Variants in KIAA1217 observed in about 807,000 individuals in gnomAD.
KIAA1217 encodes KIAA1217.
A neutral mutation model predicts 163.9 loss-of-function variants in KIAA1217; 88 were observed. That is an observed-to-expected ratio of 0.54 (90% CI 0.45 to 0.64). The LOEUF is 0.64. Among genes scored for constraint, KIAA1217 ranks in the 30% least tolerant of loss-of-function variants. The probability of loss-of-function intolerance (pLI) is 0.00; values close to 1 mark genes in which losing one functional copy is unlikely to be tolerated. For synonymous variants in KIAA1217, 903 were observed against 923.1 expected (o/e 0.98, Z 0.39); for missense variants, 2,372 against 2,475.0 (o/e 0.96, Z 0.88).
chr10:23,900,362 A>G lies in KIAA1217; in HGVS notation c.-320-106863A>G, dbSNP rs367574805. ...GTTGATTTTACAATCCGCAGCTACAATGGTTCCCAATGGGGACGTTGCTGC... is the reference window on the plus strand; with the variant it reads ...GTTGATTTTACAATCCGCAGCTACAGTGGTTCCCAATGGGGACGTTGCTGC... On this transcript the variant is annotated intron_variant, in intron 1 of 18. Coordinates refer to the KIAA1217 transcript ENST00000376462. Among the ~76,000 whole-genome samples the G allele has an allele frequency of 3.8e-3, 573 of 152,010 alleles. 3 individuals carry two copies. Among genetic ancestry groups the G allele is most frequent in the African/African-American group, 0.013 (545 of 41,506 alleles).
At chr10:24,484,241 A>ATATATATTTTTTTTTTT (rs1376083298) in intron 6 of KIAA1217, among the ~76,000 whole-genome samples, 2 of 75,158 alleles carry the variant, frequency 2.7e-5, no homozygotes, top group Non-Finnish European at 5.0e-5. Flanking sequence ...ATATATATAT[A>ATATATATTTTTTTTTTT]TTTTTTTTTT....
At chr10:23,798,870 C>G (rs1255614145) in intron 1 of KIAA1217, among the ~76,000 whole-genome samples, 1 of 152,120 alleles carries the variant, frequency 6.6e-6, no homozygotes, top group Non-Finnish European at 1.5e-5. Context: ...GAGCAGATTG[C>G]GAAGAGCCTT....
chr10:24,235,666 G>C (rs995656035), intron 2 of KIAA1217, among the ~76,000 whole-genome samples: 59 of 152,182 alleles, frequency 3.9e-4, no homozygotes, highest in Admixed American at 1.6e-3. Context: ...ACTCTGTTCT[G>C]TGCAGTCCTT....
rs927429390 is a variant in KIAA1217 at position 24,441,954 on chromosome 10, T to G, written c.846+3475T>G. On this transcript the variant is annotated intron_variant, in intron 5 of 20. Coordinates refer to ENST00000376454, the MANE Select transcript of KIAA1217 (RefSeq NM_019590.5). Reference sequence around the variant, plus strand: ...GTGACTTGCTAGTCACCAAACCTGGTGGCTTTTTCATAGTGTGGGGGCTTC... The same window carrying G: ...GTGACTTGCTAGTCACCAAACCTGGGGGCTTTTTCATAGTGTGGGGGCTTC... 3.3e-5 allele frequency among the ~76,000 whole-genome samples: 5 copies of G among 152,260 alleles called. No homozygotes were observed. The East Asian group carries it at 7.7e-4, about 23-fold the overall frequency.
intron 4 of KIAA1217, among the ~76,000 whole-genome samples, chr10:24,436,889 G>A (rs1656052569): frequency 1.3e-5 from 2 of 151,892 alleles, no homozygotes; most frequent in Non-Finnish European, 2.9e-5. Context: ...TCTGAAGCGT[G>A]AGCATATTTG....
Position 24,531,904 on chromosome 10 carries a change from C to T in KIAA1217, c.3157C>T (p.Arg1053Cys), listed in dbSNP as rs267602448. The T allele has an allele frequency of 7.5e-6, 12 of 1,610,586 alleles. No homozygotes were observed. The highest frequency in any genetic ancestry group is 1.6e-4 in the Middle Eastern group (1 of 6,064). The stretch of plus-strand genomic sequence containing the variant: ...GCCCCCTCCTCCTCCGCCACCTCCT[C>T]GTCGAAGCTACCTGCCAGGATCGGG... Reference protein sequence around the residue: ...KSPPPPPPPPRRSYLPGSGLT... With the variant: ...KSPPPPPPPPCRSYLPGSGLT... The change falls in exon 15 of 21, where the codon CGT becomes TGT. Residue 1053 changes from arginine (R) to cysteine (C), a missense_variant. Arg to Cys is a radical substitution (Grantham distance 180). This residue lies in a region of KIAA1217 where 1,431 missense variants were observed against 1,470.3 expected (regional missense o/e 0.97). Transcript: ENST00000376454.
At chr10:24,094,535 G>A (rs2131696152) in intron 2 of KIAA1217, among the ~76,000 whole-genome samples, 1 of 152,346 alleles carries the variant, frequency 6.6e-6, no homozygotes, top group African/African-American at 2.4e-5. Flanking sequence ...AGCAGTGGCT[G>A]CAGAACAGCG....
At chr10:24,066,259 C>A (rs1202469061) in intron 2 of KIAA1217, among the ~76,000 whole-genome samples, 1 of 151,318 alleles carries the variant, frequency 6.6e-6, no homozygotes, top group Non-Finnish European at 1.5e-5. Context: ...ACAATTTGGC[C>A]TGTTTTTGCA....
At chr10:24,356,139 C>T (rs139628224) in intron 2 of KIAA1217, among the ~76,000 whole-genome samples, 8 of 152,170 alleles carry the variant, frequency 5.3e-5, no homozygotes, top group African/African-American at 1.7e-4. Context: ...ATGATAACAT[C>T]ATTGCTTTAT....
intron 1 of KIAA1217, among the ~76,000 whole-genome samples, chr10:23,934,518 T>A (rs1229096965): frequency 1.5e-5 from 2 of 131,474 alleles, no homozygotes; most frequent in South Asian, 2.3e-4. Flanking sequence ...TTTTTTTTTT[T>A]AGAAGAAATA....
At chr10:23,997,214 G>C (rs1423393191) in intron 1 of KIAA1217, among the ~76,000 whole-genome samples, 1 of 152,142 alleles carries the variant, frequency 6.6e-6, no homozygotes, top group Admixed American at 6.5e-5. Context: ...AAGGATAAAA[G>C]AACTTAGTAT....
intron 5 of KIAA1217, among the ~76,000 whole-genome samples, chr10:24,458,359 G>T (rs1221510691): frequency 6.6e-6 from 1 of 152,180 alleles, no homozygotes; most frequent in Non-Finnish European, 1.5e-5. Flanking sequence ...CTTGGAAGAA[G>T]ATTTTTTTTG....
intron 1 of KIAA1217, among the ~76,000 whole-genome samples, chr10:23,893,905 T>C (rs1173339893): frequency 6.6e-6 from 1 of 151,930 alleles, no homozygotes; most frequent in Non-Finnish European, 1.5e-5. Context: ...ATTATCTCAA[T>C]AGATGCAGAA....
chr10:24,345,697 T>A (rs1182137241), intron 2 of KIAA1217, among the ~76,000 whole-genome samples: 1 of 152,224 alleles, frequency 6.6e-6, no homozygotes, highest in Non-Finnish European at 1.5e-5. Flanking sequence ...AGATACTTTG[T>A]AGAGAAACCT....
At position 24,203,140 on chromosome 10, in the gene KIAA1217, T is replaced by A. The variant is rs145814211; in HGVS notation, c.-170-16486T>A. On this transcript the variant is annotated intron_variant, in intron 2 of 18. Transcript: ENST00000376462. ...AAGAAGTTGAAGCAGTGAGCTGTGA[T>A]CATACCACTGCAATCTAGCCTGGGT... Among the ~76,000 whole-genome samples, 362 of 149,584 alleles carry A rather than the reference T, an allele frequency of 2.4e-3. No individual in the cohort carries two copies. In the Middle Eastern group the frequency reaches 0.035, roughly 14 times the overall value.
intron 5 of KIAA1217, among the ~76,000 whole-genome samples, chr10:24,463,622 T>C (rs772843514): frequency 6.6e-6 from 1 of 152,232 alleles, no homozygotes; most frequent in Admixed American, 6.5e-5. Context: ...ATAGGCACAG[T>C]TCAGATTTTC....
At chr10:23,749,273 T>C (rs1408479957) in intron 1 of KIAA1217, among the ~76,000 whole-genome samples, 1 of 152,228 alleles carries the variant, frequency 6.6e-6, no homozygotes, top group Non-Finnish European at 1.5e-5. Context: ...GTACCAATTT[T>C]AACCACTGCT....
intron 2 of KIAA1217, among the ~76,000 whole-genome samples, chr10:24,325,938 A>G (rs2044820032): frequency 6.6e-6 from 1 of 152,110 alleles, no homozygotes; most frequent in Admixed American, 6.5e-5. Flanking sequence ...GAGTTACATT[A>G]TTTTCATATT....
rs1315015170 is a variant in KIAA1217 at position 23,904,483 on chromosome 10, T to C, written c.-320-102742T>C. On this transcript the variant is annotated intron_variant, in intron 1 of 18. Coordinates refer to the KIAA1217 transcript ENST00000376462. ...TTGGTTTGACACAACAAAAGTTATATTGTATTCATGCAAGGCCAGCTGCAA... is the reference window on the plus strand; with the variant it reads ...TTGGTTTGACACAACAAAAGTTATACTGTATTCATGCAAGGCCAGCTGCAA... 3.9e-5 allele frequency among the ~76,000 whole-genome samples: 6 copies of C among 152,322 alleles called. No homozygotes were observed. In the East Asian group the frequency reaches 1.2e-3, roughly 29 times the overall value.
Sources: gnomAD v4.1 joint callset for allele counts (sites outside exome capture counted in the v4.1 genomes callset) on GRCh38, gnomAD v4.1.1 for gene constraint, gnomAD v4.1.1 regional missense constraint, MANE v1.5 for transcripts, NCBI Gene and HGNC (gene_info 2026-07-23, HGNC 2026-07-21) for gene names.